The following GLRA1 variants were observed in gnomAD, a reference collection of about 807,000 sequenced individuals.
The protein encoded by GLRA1 is glycine receptor alpha 1.
A neutral mutation model predicts 48.3 loss-of-function variants in GLRA1; 37 were observed. The ratio of observed to expected loss-of-function variants is 0.77; its 90% CI spans 0.59 to 1.01. The LOEUF is 1.01. Among genes scored for constraint, GLRA1 ranks in the 50% least tolerant of loss-of-function variants. The pLI is 0.00. For missense variants in GLRA1, 427 were observed against 571.0 expected (o/e 0.75, Z 2.57); for synonymous variants, 196 against 210.7 (o/e 0.93, Z 0.60).
At chr5:151,853,072 G>A (rs914415340) in intron 6 of GLRA1, among the ~76,000 whole-genome samples, 4 of 152,150 alleles carry the variant, frequency 2.6e-5, no homozygotes, top group African/African-American at 9.7e-5. Flanking sequence ...GTAGCATGGT[G>A]GTTGCTAGAG....
chr5:151,874,243 G>A (rs1009172166), intron 3 of GLRA1, among the ~76,000 whole-genome samples: 1 of 152,150 alleles, frequency 6.6e-6, no homozygotes, highest in African/African-American at 2.4e-5. Flanking sequence ...AGTGCGCTGA[G>A]TTCCACCTTG....
intron 1 of GLRA1, among the ~76,000 whole-genome samples, chr5:151,897,079 C>G (rs192076939): frequency 1.3e-5 from 2 of 152,228 alleles, no homozygotes; most frequent in African/African-American, 4.8e-5. Flanking sequence ...TAAAATCCTC[C>G]CCCTCCCTCA....
At chr5:151,889,582 G>C (rs910246491) in intron 2 of GLRA1, among the ~76,000 whole-genome samples, 1 of 152,190 alleles carries the variant, frequency 6.6e-6, no homozygotes, top group Non-Finnish European at 1.5e-5. Flanking sequence ...GTGTTTTCAC[G>C]AGGGTCAGGA....
intron 3 of GLRA1, among the ~76,000 whole-genome samples, chr5:151,877,978 T>G (rs1300700382): frequency 1.3e-5 from 2 of 152,206 alleles, no homozygotes; most frequent in Non-Finnish European, 2.9e-5. Context: ...TGGGCACTGC[T>G]GAAAAGATAC....
At chr5:151,920,749 T>A (rs1754855275) in intron 1 of GLRA1, among the ~76,000 whole-genome samples, 1 of 152,126 alleles carries the variant, frequency 6.6e-6, no homozygotes, top group African/African-American at 2.4e-5. Context: ...TGGAGAAAAG[T>A]CCTTGGGCCA....
At chr5:151,825,986 T>C (rs1763261942) in intron 8 of GLRA1, among the ~76,000 whole-genome samples, 1 of 152,234 alleles carries the variant, frequency 6.6e-6, no homozygotes, top group Non-Finnish European at 1.5e-5. Context: ...AGCTCACTTC[T>C]GCATCATTGT....
At chr5:151,882,225 C>T (rs370217693) in intron 3 of GLRA1, among the ~76,000 whole-genome samples, 17 of 152,188 alleles carry the variant, frequency 1.1e-4, no homozygotes, top group African/African-American at 4.1e-4. Context: ...TAGGAGATCA[C>T]GCACTGAGTT....
At chr5:151,905,624 G>A (rs1001345029) in intron 1 of GLRA1, among the ~76,000 whole-genome samples, 3 of 152,120 alleles carry the variant, frequency 2.0e-5, no homozygotes, top group African/African-American at 7.2e-5. Context: ...AGGCAGAAAG[G>A]CCATAGCAGA....
chr5:151,854,424 T>G (rs1243055220), intron 6 of GLRA1, among the ~76,000 whole-genome samples: 1 of 152,232 alleles, frequency 6.6e-6, no homozygotes, highest in Non-Finnish European at 1.5e-5. Context: ...CCAGCTGTTA[T>G]ACCAATTGAC....
At chr5:151,855,824 C>T (rs1040943160) in intron 5 of GLRA1, among the ~76,000 whole-genome samples, 3 of 152,336 alleles carry the variant, frequency 2.0e-5, no homozygotes, top group African/African-American at 7.2e-5. Context: ...AAATCCCAGT[C>T]CTCCATAAAG....
chr5:151,860,793 T>G (rs1248914097), intron 3 of GLRA1, among the ~76,000 whole-genome samples: 1 of 152,200 alleles, frequency 6.6e-6, no homozygotes, highest in Non-Finnish European at 1.5e-5. Context: ...TTGTTACATA[T>G]GTATACATGT....
chr5:151,847,073 A>G (rs1377695361), intron 7 of GLRA1, among the ~76,000 whole-genome samples: 2 of 152,226 alleles, frequency 1.3e-5, no homozygotes, highest in African/African-American at 4.8e-5. Context: ...GAATCTGGGT[A>G]AAGGGTGTGA....
chr5:151,912,775 G>C (rs371628943), intron 1 of GLRA1, among the ~76,000 whole-genome samples: 1 of 152,192 alleles, frequency 6.6e-6, no homozygotes, highest in Non-Finnish European at 1.5e-5. Context: ...TATCTATGAG[G>C]GGGTAGTGGA....
At chr5:151,904,745 G>A (rs577864332) in intron 1 of GLRA1, among the ~76,000 whole-genome samples, 15 of 152,302 alleles carry the variant, frequency 9.8e-5, no homozygotes, top group Middle Eastern at 3.4e-3. Flanking sequence ...TAAGCTTGTT[G>A]TAAGGAATAA....
intron 3 of GLRA1, among the ~76,000 whole-genome samples, chr5:151,886,411 C>T (rs1436941077): frequency 6.6e-6 from 1 of 152,226 alleles, no homozygotes; most frequent in East Asian, 1.9e-4. Context: ...GAATGTTAAA[C>T]TTAAAAACAG....
chr5:151,895,388 T>C (rs776231394), intron 1 of GLRA1, among the ~76,000 whole-genome samples: 3 of 152,148 alleles, frequency 2.0e-5, no homozygotes, highest in Admixed American at 2.0e-4. Context: ...AAATATAATA[T>C]AGAATAGTGC....
chr5:151,842,826 A>G (rs1446022221), intron 7 of GLRA1, among the ~76,000 whole-genome samples: 1 of 152,238 alleles, frequency 6.6e-6, no homozygotes, highest in Non-Finnish European at 1.5e-5. Flanking sequence ...TGTACATCAC[A>G]TGGTCTTGTA....
At chr5:151,893,828 A>G (rs1283266273) in intron 1 of GLRA1, among the ~76,000 whole-genome samples, 1 of 152,170 alleles carries the variant, frequency 6.6e-6, no homozygotes, top group African/African-American at 2.4e-5. Context: ...ATACATGTGC[A>G]TGTATCTTTA....
At chr5:151,873,606 G>A (rs537906771) in intron 3 of GLRA1, among the ~76,000 whole-genome samples, 76 of 150,870 alleles carry the variant, frequency 5.0e-4, no homozygotes, top group African/African-American at 1.7e-3. Flanking sequence ...GTTGCAGTGA[G>A]CCGAGATTGA....
Sources: allele counts gnomAD v4.1 joint callset (sites outside exome capture counted in the v4.1 genomes callset), GRCh38; gene constraint gnomAD v4.1.1; transcripts MANE v1.5; gene names NCBI Gene and HGNC (gene_info 2026-07-23, HGNC 2026-07-21).